ROBO2: variants seen among roughly 807,000 people sequenced by gnomAD.
ROBO2 encodes the protein roundabout guidance receptor 2.
ROBO2 carries 53 observed loss-of-function variants against 160.8 expected under a neutral mutation model. The ratio of observed to expected loss-of-function variants is 0.33; its 90% confidence interval spans 0.26 to 0.41. ROBO2 has a LOEUF of 0.41. ROBO2 is among the 10% of genes least tolerant of loss of function. The pLI is 1.00. For missense variants in ROBO2, 1,577 were observed against 1,722.4 expected (o/e 0.92, Z 1.49); for synonymous variants, 664 against 611.7 (o/e 1.09, Z -1.26).
chr3:77,387,038 G>A (rs572224306), intron 2 of ROBO2, among the ~76,000 whole-genome samples: 2 of 151,886 alleles, frequency 1.3e-5, no homozygotes, highest in African/African-American at 2.4e-5. Flanking sequence ...TTATTAAGCC[G>A]CTCACATTCC....
In ROBO2 at chr3:77,276,231, A is replaced by G. The variant is rs2059819042; in HGVS notation, c.388+177891A>G. Among the ~76,000 whole-genome samples the G allele has an allele frequency of 2.7e-5, 4 of 150,922 alleles. No homozygotes were observed. In the South Asian group the frequency reaches 8.4e-4, roughly 32 times the overall value. ...AAACAAACAAACAAAAAAAAAAAAC[A>G]AAAGAAAAAATGTCTCTGATACCTT... On this transcript the variant is annotated intron_variant, in intron 2 of 25. Transcript: ENST00000461745.
chr3:77,517,567 TC>T (rs1476763197), intron 5 of ROBO2, among the ~76,000 whole-genome samples: 1 of 151,628 alleles, frequency 6.6e-6, no homozygotes, highest in Non-Finnish European at 1.5e-5. Context: ...AGCTCTTAAT[TC>T]CCTTTGAAAC....
intron 2 of ROBO2, among the ~76,000 whole-genome samples, chr3:76,175,994 A>G (rs376080095): frequency 9.5e-4 from 144 of 151,672 alleles, no homozygotes; most frequent in African/African-American, 2.3e-3. Flanking sequence ...TTTCTTCTTT[A>G]TAGTTCTTAG....
intron 2 of ROBO2, among the ~76,000 whole-genome samples, chr3:76,079,789 G>C (rs566909878): frequency 6.6e-6 from 1 of 151,822 alleles, no homozygotes; most frequent in Non-Finnish European, 1.5e-5. Flanking sequence ...AGTAAAGTCT[G>C]ACTAAGTAGG....
chr3:76,580,328 G>GGTTTTTTTTTTGTTT (rs2085587668), intron 2 of ROBO2, among the ~76,000 whole-genome samples: 1 of 67,326 alleles, frequency 1.5e-5, no homozygotes, highest in Admixed American at 1.7e-4. Context: ...TTTTTTTTTT[G>GGTTTTTTTTTTGTTT]TTTTTTTTTT....
intron 2 of ROBO2, among the ~76,000 whole-genome samples, chr3:77,316,090 G>T (rs757594656): frequency 1.3e-5 from 2 of 152,220 alleles, no homozygotes; most frequent in East Asian, 1.9e-4. Flanking sequence ...TTACAATCAC[G>T]CAGACTCTTC....
chr3:77,325,020 TTAAAG>T (rs2065235222), intron 2 of ROBO2, among the ~76,000 whole-genome samples: 1 of 151,950 alleles, frequency 6.6e-6, no homozygotes, highest in Non-Finnish European at 1.5e-5. Context: ...TGGAAGGAAA[TTAAAG>T]TATAGTTATG....
rs959582328 is a variant in ROBO2 at position 77,465,352 on chromosome 3, C to T, written c.389-12062C>T. ...TCTCATGCAGCTAAGTAAGTAGTAACTACAATGTAGAGATTTGCTTCCTCT... is the reference window on the plus strand; with the variant it reads ...TCTCATGCAGCTAAGTAAGTAGTAATTACAATGTAGAGATTTGCTTCCTCT... On this transcript the variant is annotated intron_variant, in intron 2 of 25. Transcript: ENST00000461745. Among the ~76,000 whole-genome samples the T allele has an allele frequency of 2.6e-5, 4 of 152,086 alleles. No homozygotes were observed. In the East Asian group the frequency reaches 7.7e-4, roughly 29 times the overall value.
At chr3:76,297,885 A>G (rs6769918) in intron 2 of ROBO2, among the ~76,000 whole-genome samples, 5,905 of 152,256 alleles carry the variant, frequency 0.039, 321 homozygotes, top group African/African-American at 0.12. Context: ...TTTCAAAAGG[A>G]TAACAGCTAT....
chr3:77,040,975 C>T, intron 1 of ROBO2, 129 bp downstream of exon 1: 1 of 1,222,780 alleles, frequency 8.2e-7, no homozygotes, highest in Non-Finnish European at 1.2e-6. Context: ...TTTGGCCCGG[C>T]ACGGGCTCCT....
intron 2 of ROBO2, among the ~76,000 whole-genome samples, chr3:76,590,370 A>G (rs1482808371): frequency 6.6e-6 from 1 of 152,098 alleles, no homozygotes; most frequent in African/African-American, 2.4e-5. Context: ...TAATACTACT[A>G]TTTATACGTA....
intron 2 of ROBO2, among the ~76,000 whole-genome samples, chr3:76,610,216 C>T (rs909189378): frequency 2.0e-4 from 31 of 152,164 alleles, no homozygotes; most frequent in African/African-American, 6.5e-4. Flanking sequence ...TAGCCTTGTA[C>T]TGGTAATGTT....
intron 2 of ROBO2, among the ~76,000 whole-genome samples, chr3:77,368,485 T>C (rs1002158732): frequency 1.3e-5 from 2 of 152,188 alleles, no homozygotes; most frequent in Non-Finnish European, 2.9e-5. Flanking sequence ...ATTGGTGGTT[T>C]AGCAACTGTG....
chr3:76,100,087 GA>G (rs1199834800), intron 2 of ROBO2, among the ~76,000 whole-genome samples: 1 of 152,134 alleles, frequency 6.6e-6, no homozygotes, highest in East Asian at 1.9e-4. Context: ...ACATTAAGAA[GA>G]TCGACTAGAA....
At chr3:77,441,216 T>C (rs1010074094) in intron 2 of ROBO2, among the ~76,000 whole-genome samples, 5 of 151,884 alleles carry the variant, frequency 3.3e-5, no homozygotes, top group Admixed American at 3.3e-4. Flanking sequence ...TTTATCATGG[T>C]GTGCCTTAAT....
At chr3:76,927,311 T>A (rs185016810) in intron 2 of ROBO2, among the ~76,000 whole-genome samples, 2 of 152,158 alleles carry the variant, frequency 1.3e-5, no homozygotes, top group African/African-American at 2.4e-5. Context: ...AAGAAATCCT[T>A]GGCCCAAAAC....
At chr3:76,112,009 G>A (rs1158753771) in intron 2 of ROBO2, among the ~76,000 whole-genome samples, 1 of 152,014 alleles carries the variant, frequency 6.6e-6, no homozygotes, top group African/African-American at 2.4e-5. Flanking sequence ...GTAGACTCTC[G>A]ACTCCACCCA....
Position 76,013,773 on chromosome 3 carries a change from G to A in ROBO2, c.109+76171G>A, listed in dbSNP as rs571712988. 1.2e-4 allele frequency among the ~76,000 whole-genome samples: 18 copies of A among 149,734 alleles called. 1 individual carries two copies. The East Asian group carries it at 2.0e-3, about 17-fold the overall frequency. ...GGCAACTGGGCACGGTGGTCTATGC[G>A]TGTAATCCCAGAAGTAATATGTATA... On this transcript the variant is annotated intron_variant, in intron 2 of 26. Transcript: ENST00000487694.
intron 2 of ROBO2, among the ~76,000 whole-genome samples, chr3:76,949,932 C>T (rs2078858505): frequency 6.6e-6 from 1 of 152,192 alleles, no homozygotes; most frequent in African/African-American, 2.4e-5. Flanking sequence ...AGCAGTCATT[C>T]AACCTATATA....
Sources: gnomAD v4.1 joint callset for allele counts (sites outside exome capture counted in the v4.1 genomes callset) on GRCh38, gnomAD v4.1.1 for gene constraint, MANE v1.5 for transcripts, NCBI Gene and HGNC (gene_info 2026-07-23, HGNC 2026-07-21) for gene names.